Variants in LRP1B observed in about 807,000 individuals in gnomAD.
LRP1B encodes the protein low-density lipoprotein receptor-related protein 1B.
LRP1B carries 217 observed loss-of-function variants against 556.6 expected under a neutral mutation model. The ratio of observed to expected loss-of-function variants is 0.39; its 90% CI spans 0.35 to 0.44. LRP1B has a LOEUF of 0.44. LRP1B is among the 20% of genes least tolerant of loss of function. LRP1B has a pLI of 1.00. For missense variants in LRP1B, 5,053 were observed against 5,620.8 expected, an observed-to-expected ratio of 0.90 and a Z score of 3.23; for synonymous variants, 2,047 against 1,865.8, an observed-to-expected ratio of 1.10 and a Z score of -2.50.
intron 31 of LRP1B, among the ~76,000 whole-genome samples, chr2:140,815,283 A>G (rs190618405): frequency 6.6e-6 from 1 of 152,142 alleles, no homozygotes; most frequent in Admixed American, 6.5e-5. Flanking sequence ...GAATCATTAA[A>G]TGCATTTATC....
intron 3 of LRP1B, among the ~76,000 whole-genome samples, chr2:141,461,997 C>A (rs1322611974): frequency 6.6e-6 from 1 of 152,198 alleles, no homozygotes; most frequent in African/African-American, 2.4e-5. Context: ...CATCTTATAC[C>A]ATTTTCCTGC....
intron 1 of LRP1B, among the ~76,000 whole-genome samples, chr2:142,121,313 CCT>C (rs1430648035): frequency 2.0e-5 from 3 of 152,060 alleles, no homozygotes; most frequent in Admixed American, 6.6e-5. Flanking sequence ...ATCATTTTCA[CCT>C]CTGATTAGAC....
chr2:142,018,695 G>A (rs1382685813), intron 1 of LRP1B, among the ~76,000 whole-genome samples: 1 of 151,788 alleles, frequency 6.6e-6, no homozygotes, highest in East Asian at 1.9e-4. Context: ...TCTCAAAAAT[G>A]TGCCCATGTC....
chr2:141,067,247 A>G (rs1034827881), intron 7 of LRP1B, among the ~76,000 whole-genome samples: 118 of 152,058 alleles, frequency 7.8e-4, no homozygotes, highest in Non-Finnish European at 1.5e-4. Context: ...ATGCAATTAC[A>G]AATCTGAAAA....
At chr2:141,464,594 A>ATTTTT (rs1559084708) in intron 3 of LRP1B, among the ~76,000 whole-genome samples, 3 of 34,770 alleles carry the variant, frequency 8.6e-5, no homozygotes, top group African/African-American at 1.9e-4. Context: ...GTATATATAT[A>ATTTTT]TATATATATA....
intron 2 of LRP1B, among the ~76,000 whole-genome samples, chr2:141,751,823 A>C (rs1039664334): frequency 2.0e-5 from 3 of 151,164 alleles, no homozygotes; most frequent in Non-Finnish European, 4.4e-5. Flanking sequence ...GAAAATTAAG[A>C]ATATAATAGT....
In LRP1B at chr2:141,906,922, C is replaced by A. The variant is rs865882872; in HGVS notation, c.83-96521G>T. On this transcript the variant is annotated intron_variant, in intron 1 of 90. Transcript: ENST00000389484. ...TAGAGCCACCTAGAGGCACAAAAAT[C>A]GTCCCATGTTTCCCATTTTGGCAGA... Among the ~76,000 whole-genome samples the A allele has an allele frequency of 2.6e-5, 4 of 152,082 alleles. No individual in the cohort carries two copies. In the South Asian group the frequency reaches 8.3e-4, roughly 31 times the overall value.
intron 1 of LRP1B, among the ~76,000 whole-genome samples, chr2:142,119,405 T>C (rs1278950432): frequency 1.3e-5 from 2 of 152,190 alleles, no homozygotes; most frequent in Non-Finnish European, 2.9e-5. Flanking sequence ...TTAGATGCTC[T>C]TCATAACCTA....
intron 2 of LRP1B, among the ~76,000 whole-genome samples, chr2:141,494,529 CTGGTGTAAAAGTAAT>C (rs1683447178): frequency 6.6e-6 from 1 of 151,728 alleles, no homozygotes; most frequent in African/African-American, 2.4e-5. Context: ...AAATATTAGG[CTGGTGTAAAAGTAAT>C]TGCTGTTTTT....
At chr2:141,881,216 G>A (rs776933693) in intron 1 of LRP1B, among the ~76,000 whole-genome samples, 42 of 152,120 alleles carry the variant, frequency 2.8e-4, no homozygotes, top group East Asian at 3.9e-4. Flanking sequence ...CTGAAATTGC[G>A]TGAGAGAAGG....
chr2:140,998,384 C>T (rs1697315442), intron 15 of LRP1B, among the ~76,000 whole-genome samples: 1 of 152,038 alleles, frequency 6.6e-6, no homozygotes, highest in African/African-American at 2.4e-5. Context: ...TGGAATCTAA[C>T]TTACTTTTTG....
intron 2 of LRP1B, among the ~76,000 whole-genome samples, chr2:141,669,790 T>G (rs995763194): frequency 1.3e-5 from 2 of 152,248 alleles, no homozygotes; most frequent in Admixed American, 1.3e-4. Flanking sequence ...AGTCTCACTC[T>G]GTCTTCCAGG....
chr2:140,254,545 T>TTTTG (rs527287861), intron 86 of LRP1B, among the ~76,000 whole-genome samples: 10 of 151,892 alleles, frequency 6.6e-5, no homozygotes, highest in Non-Finnish European at 1.5e-4. Flanking sequence ...TGTTTGTTTG[T>TTTTG]TTTGTTTGTT....
intron 29 of LRP1B, among the ~76,000 whole-genome samples, chr2:140,846,919 T>C (rs1487701568): frequency 1.3e-5 from 2 of 152,212 alleles, no homozygotes; most frequent in African/African-American, 4.8e-5. Context: ...TGGAAAGATA[T>C]ATCCATCTTT....
At chr2:140,522,373 A>G (rs1186051001) in intron 49 of LRP1B, among the ~76,000 whole-genome samples, 2 of 152,014 alleles carry the variant, frequency 1.3e-5, no homozygotes, top group African/African-American at 4.8e-5. Context: ...ATTATTTGAA[A>G]CAAATGAAAG....
chr2:140,405,473 C>G (rs992597313), intron 66 of LRP1B, among the ~76,000 whole-genome samples: 1 of 151,728 alleles, frequency 6.6e-6, no homozygotes, highest in Non-Finnish European at 1.5e-5. Context: ...GGAGATTAAC[C>G]AAGAAAAGAA....
intron 24 of LRP1B, among the ~76,000 whole-genome samples, chr2:140,885,451 C>T (rs935568089): frequency 1.3e-4 from 19 of 151,220 alleles, no homozygotes; most frequent in African/African-American, 4.1e-4. Flanking sequence ...CCCAGGTTCA[C>T]GCAATTCTCC....
intron 3 of LRP1B, among the ~76,000 whole-genome samples, chr2:141,370,794 T>C (rs1486695317): frequency 6.6e-6 from 1 of 152,224 alleles, no homozygotes; most frequent in Admixed American, 6.5e-5. Context: ...TATTCAAGTC[T>C]GTAATCCATC....
chr2:141,165,032 G>T (rs1187149172), intron 7 of LRP1B, among the ~76,000 whole-genome samples: 1 of 151,852 alleles, frequency 6.6e-6, no homozygotes, highest in East Asian at 1.9e-4. Flanking sequence ...TCTCAATAAA[G>T]CCTAAAAACA....
Sources: gnomAD v4.1 joint callset for allele counts (sites outside exome capture counted in the v4.1 genomes callset) on GRCh38, gnomAD v4.1.1 for gene constraint, MANE v1.5 for transcripts, NCBI Gene and HGNC (gene_info 2026-07-23, HGNC 2026-07-21) for gene names.